Variants in FER observed in about 807,000 individuals in gnomAD.
FER encodes tyrosine-protein kinase Fer.
In FER, 63 loss-of-function variants were observed where a neutral mutation model predicts 111.0. That is an observed-to-expected ratio of 0.57 (90% CI 0.46 to 0.70). FER has a LOEUF of 0.70. FER is among the 30% of genes least tolerant of loss of function. The pLI is 0.00. For missense variants in FER, 914 were observed against 954.0 expected, an observed-to-expected ratio of 0.96 and a Z score of 0.55; for synonymous variants, 327 against 313.9, an observed-to-expected ratio of 1.04 and a Z score of -0.44.
intron 16 of FER, among the ~76,000 whole-genome samples, chr5:109,058,819 G>T (rs866381349): frequency 7.7e-6 from 1 of 129,052 alleles, no homozygotes; most frequent in Admixed American, 9.3e-5. Flanking sequence ...TGCAACCTCC[G>T]CCTTCTGGGT....
intron 17 of FER, among the ~76,000 whole-genome samples, chr5:109,116,865 A>G (rs1402493743): frequency 1.3e-5 from 2 of 152,168 alleles, no homozygotes; most frequent in African/African-American, 4.8e-5. Flanking sequence ...AGTAAGGACT[A>G]AAGTGAAATG....
At chr5:108,998,057 T>C (rs1482348287) in intron 13 of FER, among the ~76,000 whole-genome samples, 1 of 151,848 alleles carries the variant, frequency 6.6e-6, no homozygotes, top group Admixed American at 6.6e-5. Flanking sequence ...CAGTGGATCT[T>C]AGCTTGCCAG....
chr5:108,845,007 T>TATATAC (rs1761774276), intron 5 of FER, among the ~76,000 whole-genome samples: 2 of 28,142 alleles, frequency 7.1e-5, no homozygotes, highest in Non-Finnish European at 1.4e-4. Flanking sequence ...TATATATATA[T>TATATAC]ATATATATAT....
In FER at chr5:109,190,613, T is replaced by G. The variant is rs924786154; in HGVS notation, c.*3038T>G. ...CTAAGGCCAAAGCCAACATATTCTTTCTCTTCTGGGAAAATAAAATTGACA... is the reference window on the plus strand; with the variant it reads ...CTAAGGCCAAAGCCAACATATTCTTGCTCTTCTGGGAAAATAAAATTGACA... On this transcript the variant is annotated 3_prime_UTR_variant, in exon 20 of 20. Transcript: ENST00000281092. The G allele has an allele frequency of 1.3e-5, 2 of 152,170 alleles. No homozygotes were observed. Among genetic ancestry groups the G allele is most frequent in the African/African-American group, 4.8e-5 (2 of 41,448 alleles). The allele number at this position is 152,170 out of a possible 1,614,324, so 9.4% of individuals were successfully genotyped here.
At chr5:108,880,727 A>C (rs550048859) in intron 8 of FER, among the ~76,000 whole-genome samples, 30 of 151,728 alleles carry the variant, frequency 2.0e-4, no homozygotes, top group African/African-American at 7.0e-4. Context: ...TGTCTTATGA[A>C]TATATATATA....
At chr5:108,835,893 C>A in intron 5 of FER, 86 bp downstream of exon 5, 2 of 677,470 alleles carry the variant, frequency 3.0e-6, no homozygotes. Flanking sequence ...TGGAATGATT[C>A]CATTTAGAGC....
At chr5:108,817,327 T>G (rs1758391014) in intron 3 of FER, among the ~76,000 whole-genome samples, 1 of 152,088 alleles carries the variant, frequency 6.6e-6, no homozygotes, top group Non-Finnish European at 1.5e-5. Context: ...GATTTCTATA[T>G]TCCATAAAGA....
At chr5:109,111,186 T>C (rs915647888) in intron 17 of FER, among the ~76,000 whole-genome samples, 1 of 152,128 alleles carries the variant, frequency 6.6e-6, no homozygotes, top group East Asian at 1.9e-4. Flanking sequence ...TTATAGAGGG[T>C]TATATTTTCC....
chr5:109,062,862 T>C (rs948154145), intron 16 of FER, among the ~76,000 whole-genome samples: 8 of 152,156 alleles, frequency 5.3e-5, no homozygotes, highest in African/African-American at 1.9e-4. Flanking sequence ...TCTGGTACAA[T>C]TCTCAGCTCA....
intron 2 of FER, among the ~76,000 whole-genome samples, chr5:108,793,182 C>T (rs1473625033): frequency 6.6e-6 from 1 of 152,156 alleles, no homozygotes. Flanking sequence ...CCTTTATAAC[C>T]TGTTGTAACC....
chr5:109,152,326 C>T (rs1754941180), intron 17 of FER, among the ~76,000 whole-genome samples: 1 of 151,910 alleles, frequency 6.6e-6, no homozygotes, highest in Non-Finnish European at 1.5e-5. Context: ...ATATAGTTAT[C>T]TAATTTGTGC....
At position 109,192,814 on chromosome 5, in the gene FER, G is replaced by A. The variant is rs1247392641; in HGVS notation, c.*5239G>A. On this transcript the variant is annotated 3_prime_UTR_variant, in exon 20 of 20. Coordinates refer to ENST00000281092, the MANE Select transcript of FER (RefSeq NM_005246.4). ...ATGAGAGCTACTGTGGGGAAACATA[G>A]TATTCAACAGAGAAATGGAAGAATA... The A allele has an allele frequency of 1.3e-5, 2 of 152,062 alleles. No individual in the cohort carries two copies. The highest frequency in any genetic ancestry group is 4.8e-5 in the African/African-American group (2 of 41,410). 9.4% of individuals were successfully genotyped at this position (152,062 alleles called of 1,614,324 possible).
intron 3 of FER, among the ~76,000 whole-genome samples, chr5:108,827,650 A>G (rs1307036694): frequency 6.6e-6 from 1 of 151,642 alleles, no homozygotes; most frequent in Non-Finnish European, 1.5e-5. Context: ...CTTGTTGTTC[A>G]TATTTTTCTG....
chr5:109,160,536 C>T (rs2126735818), intron 17 of FER, among the ~76,000 whole-genome samples: 1 of 152,268 alleles, frequency 6.6e-6, no homozygotes, highest in Admixed American at 6.5e-5. Context: ...TTTATTCATT[C>T]TTAGAGCTAT....
intron 8 of FER, 102 bp downstream of exon 8, chr5:108,872,314 A>T (rs1764678350): frequency 8.5e-7 from 1 of 1,179,132 alleles, no homozygotes; most frequent in South Asian, 1.9e-5. Flanking sequence ...AGTATTGAAC[A>T]GTAAATTTTT....
chr5:108,776,414 A>G (rs1040055887), intron 2 of FER, among the ~76,000 whole-genome samples: 3 of 152,184 alleles, frequency 2.0e-5, no homozygotes, highest in African/African-American at 7.2e-5. Flanking sequence ...CAAAAAAGCA[A>G]ATATTTAAAA....
rs888038353 is a variant in FER at position 108,993,140 on chromosome 5, G to A, written c.1656+33793G>A. 1.2e-4 allele frequency among the ~76,000 whole-genome samples: 18 copies of A among 152,036 alleles called. 1 individual carries two copies. Among genetic ancestry groups the A allele is most frequent in the Non-Finnish European group, 2.2e-4 (15 of 68,000 alleles). On this transcript the variant is annotated intron_variant, in intron 13 of 19. Transcript: ENST00000281092. ...CTCCTCACTTCCCAGACGGGGTGGC[G>A]GCCGGGCAGAGGCTGCAATCTCAGC...
rs34138754 is a variant in FER at position 108,944,108 on chromosome 5, TACACAC to T, written c.1237-1994_1237-1989del. Among the ~76,000 whole-genome samples the T allele has an allele frequency of 2.8e-3, 402 of 145,704 alleles. 1 individual carries two copies. Among genetic ancestry groups the T allele is most frequent in the African/African-American group, 2.4e-3 (95 of 39,518 alleles). On this transcript the variant is annotated intron_variant, in intron 10 of 19. Coordinates refer to ENST00000281092, the MANE Select transcript of FER (RefSeq NM_005246.4). ...AGTCTCTTAGTTTTATGTGTATGTG[TACACAC>T]ACACACACACACACACACACACACA... is the stretch of plus-strand genomic sequence containing the variant.
intron 16 of FER, among the ~76,000 whole-genome samples, chr5:109,073,073 A>G (rs571284813): frequency 2.4e-4 from 37 of 152,262 alleles, no homozygotes; most frequent in Non-Finnish European, 5.0e-4. Flanking sequence ...ATAATGAGTA[A>G]TTACATCTGC....
Sources: gnomAD v4.1 joint callset for allele counts (sites outside exome capture counted in the v4.1 genomes callset) on GRCh38, gnomAD v4.1.1 for gene constraint, MANE v1.5 for transcripts, NCBI Gene and HGNC (gene_info 2026-07-23, HGNC 2026-07-21) for gene names.